DNAAF9: variants seen among roughly 807,000 people sequenced by gnomAD.
DNAAF9 encodes shulin.
DNAAF9 carries 90 observed loss-of-function variants against 167.0 expected under a neutral mutation model. The observed-to-expected ratio is 0.54, with a 90% CI of 0.45 to 0.64. The LOEUF (loss-of-function observed/expected upper bound fraction) is 0.64. Ranked by LOEUF, DNAAF9 falls within the 30% of genes least tolerant of loss-of-function variation. DNAAF9 has a pLI of 0.00. For missense variants in DNAAF9, 1,315 were observed against 1,442.2 expected, an observed-to-expected ratio of 0.91 and a Z score of 1.43; for synonymous variants, 491 against 508.8, an observed-to-expected ratio of 0.96 and a Z score of 0.47.
At chr20:3,345,907 C>G (rs1279770321) in intron 8 of DNAAF9, among the ~76,000 whole-genome samples, 2 of 152,036 alleles carry the variant, frequency 1.3e-5, no homozygotes, top group Non-Finnish European at 2.9e-5. Context: ...TGCACTCCAG[C>G]CTGGCGACAG....
intron 36 of DNAAF9, 131 bp from the exon 37 acceptor site, chr20:3,252,815 T>G (rs1568557300): frequency 1.5e-6 from 1 of 663,780 alleles, no homozygotes; most frequent in East Asian, 2.6e-5. Context: ...AGAGGGAACC[T>G]GATGGACTCT....
chr20:3,384,078 C>T (rs541897108), intron 1 of DNAAF9, among the ~76,000 whole-genome samples: 4 of 152,230 alleles, frequency 2.6e-5, no homozygotes, highest in South Asian at 2.1e-4. Flanking sequence ...TACAGGCATG[C>T]GCCACCACAC....
At chr20:3,287,855 C>CA (rs748452639) in intron 26 of DNAAF9, 65 bp from the exon 27 acceptor site, 991 of 1,419,752 alleles carry the variant, frequency 7.0e-4, no homozygotes, top group Non-Finnish European at 9.3e-4. Context: ...TAGGTTCAGC[C>CA]ATGGATTCAA....
chr20:3,373,966 T>C (rs1195117952), intron 6 of DNAAF9, 82 bp downstream of exon 6: 6 of 840,554 alleles, frequency 7.1e-6, no homozygotes, highest in Non-Finnish European at 1.2e-5. Flanking sequence ...TTTGGTGTTA[T>C]AATAATGCAC....
At chr20:3,375,856 A>G (rs926820488) in intron 4 of DNAAF9, among the ~76,000 whole-genome samples, 2 of 152,084 alleles carry the variant, frequency 1.3e-5, no homozygotes, top group Non-Finnish European at 2.9e-5. Context: ...CCAGAAAAAA[A>G]AAAAAATCCC....
chr20:3,327,668 G>T (rs1292178719), intron 12 of DNAAF9, among the ~76,000 whole-genome samples: 7 of 152,186 alleles, frequency 4.6e-5, no homozygotes, highest in Non-Finnish European at 1.0e-4. Flanking sequence ...TATAGAAGAA[G>T]CAATAAGGGC....
chr20:3,274,511 G>C (rs2068646021), intron 29 of DNAAF9, among the ~76,000 whole-genome samples: 1 of 152,180 alleles, frequency 6.6e-6, no homozygotes, highest in Non-Finnish European at 1.5e-5. Context: ...AAGGCATTTA[G>C]AGCCAGGTGA....
At position 3,382,428 on chromosome 20, in the gene DNAAF9, T is replaced by C; in HGVS notation, c.162A>G (p.Leu54=). 6.2e-7 allele frequency: 1 copy of C among 1,612,984 alleles called. No individual in the cohort carries two copies. The highest frequency in any genetic ancestry group is 1.7e-5 in the Admixed American group (1 of 60,006). ...KSRPDGILCI[L]GIDSRYNEGC... is the part of the protein sequence containing the mutation. ...TCCCACCTTGTTAAAAGCACTGACCTAGGATGCAGAGGATCCCATCCGGCC... is the reference window on the plus strand; with the variant it reads ...TCCCACCTTGTTAAAAGCACTGACCCAGGATGCAGAGGATCCCATCCGGCC... Residue 54 remains leucine, a splice_region_variant and synonymous_variant, in exon 2 of 37, where the codon CTA becomes CTG. Coordinates refer to ENST00000252032, the MANE Select transcript of DNAAF9 (RefSeq NM_001009984.3).
intron 10 of DNAAF9, among the ~76,000 whole-genome samples, chr20:3,338,449 C>T (rs943143402): frequency 1.3e-5 from 2 of 152,104 alleles, no homozygotes; most frequent in Non-Finnish European, 2.9e-5. Flanking sequence ...TAGGCCTACA[C>T]ATAGATATTT....
rs1334164117 is a variant in DNAAF9, at chr20:3,375,050, C to A, written c.485G>T (p.Gly162Val). The change falls in exon 5 of 37, where the codon GGC becomes GTC. Residue 162 changes from glycine (G) to valine (V), a missense_variant. Coordinates refer to ENST00000252032, the MANE Select transcript of DNAAF9 (RefSeq NM_001009984.3). ...VDMVRDCSRI[G>V]IPYSSQGHLQ... ...CTCACCTTGGGAGCTGTAAGGAATGCCAATTCTACTACAGTCTCGAACCAT... is the reference window on the plus strand; with the variant it reads ...CTCACCTTGGGAGCTGTAAGGAATGACAATTCTACTACAGTCTCGAACCAT... 1 of 1,604,664 alleles carries A rather than the reference C, an allele frequency of 6.2e-7. No individual in the cohort carries two copies. Among genetic ancestry groups the A allele is most frequent in the Non-Finnish European group, 8.5e-7 (1 of 1,171,568 alleles).
rs199719258 is a variant in DNAAF9 at position 3,298,183 on chromosome 20, G to A, written c.1783-8C>T. ...AACAGTACTGGTGGAATCCTAAAGC[G>A]AAAAGGAGGGAGCATCAGCAAGAAG... On this transcript the variant is annotated splice_region_variant and splice_polypyrimidine_tract_variant and intron_variant, in intron 21 of 36. Coordinates refer to ENST00000252032, the MANE Select transcript of DNAAF9 (RefSeq NM_001009984.3). 871 of 1,609,542 alleles carry A rather than the reference G, an allele frequency of 5.4e-4. No individual in the cohort carries two copies. Among genetic ancestry groups the A allele is most frequent in the Non-Finnish European group, 7.1e-4 (831 of 1,177,604 alleles).
chr20:3,397,194 T>G (rs2083920054), intron 1 of DNAAF9, among the ~76,000 whole-genome samples: 1 of 148,112 alleles, frequency 6.8e-6, no homozygotes, highest in Non-Finnish European at 1.5e-5. Flanking sequence ...TTGCTGTCAG[T>G]GGAGATCACA....
intron 2 of DNAAF9, 140 bp from the exon 3 acceptor site, chr20:3,381,638 T>C: frequency 1.5e-6 from 1 of 678,310 alleles, no homozygotes; most frequent in Non-Finnish European, 2.3e-6. Context: ...GAAACCAAGC[T>C]AACCAATTCT....
rs1206106874 is a variant in DNAAF9 at position 3,251,893 on chromosome 20, C to G, written c.*679G>C. 1 of 152,458 alleles carries G rather than the reference C, an allele frequency of 6.6e-6. No homozygotes were observed. The highest frequency in any genetic ancestry group is 1.5e-5 in the Non-Finnish European group (1 of 68,208). The allele number at this position is 152,458 out of a possible 1,614,324, so 9.4% of individuals were successfully genotyped here. ...CCACAAGGGGAAAAGCTGATGTCAA[C>G]TTAAGAGCCACACACCTCTGGAAAG... On this transcript the variant is annotated 3_prime_UTR_variant, in exon 37 of 37. Transcript: ENST00000252032.
chr20:3,291,299 T>C (rs972042366), intron 25 of DNAAF9, among the ~76,000 whole-genome samples: 16 of 151,364 alleles, frequency 1.1e-4, no homozygotes, highest in African/African-American at 3.6e-4. Context: ...CCGAGGGAGG[T>C]CTATGTAAAT....
intron 6 of DNAAF9, chr20:3,361,740 TA>T: frequency 3.7e-6 from 3 of 811,070 alleles, no homozygotes; most frequent in Non-Finnish European, 5.6e-6. Flanking sequence ...TACAGTATCT[TA>T]ACTTCCTTTG....
intron 12 of DNAAF9, among the ~76,000 whole-genome samples, chr20:3,328,188 T>TTTTTTGTTTGTTTTG (rs369376730): frequency 1.4e-5 from 2 of 138,776 alleles, no homozygotes; most frequent in African/African-American, 5.8e-5. Flanking sequence ...GCTCTGTTTT[T>TTTTTTGTTTGTTTTG]TTTTTTTTTT....
intron 10 of DNAAF9, among the ~76,000 whole-genome samples, chr20:3,336,252 G>GTTTTCTTTTTTTTT (rs2069940758): frequency 1.2e-5 from 1 of 81,444 alleles, no homozygotes; most frequent in Non-Finnish European, 2.5e-5. Flanking sequence ...ACAGTTTTGC[G>GTTTTCTTTTTTTTT]TTTTTGTTTT....
At chr20:3,372,225 GGAGTA>G (rs1244570752) in intron 6 of DNAAF9, among the ~76,000 whole-genome samples, 2 of 152,234 alleles carry the variant, frequency 1.3e-5, no homozygotes, top group Non-Finnish European at 2.9e-5. Context: ...CCATCAGAGT[GGAGTA>G]GAGAGGGCAC....
Sources: allele counts gnomAD v4.1 joint callset (sites outside exome capture counted in the v4.1 genomes callset), GRCh38; gene constraint gnomAD v4.1.1; transcripts MANE v1.5; gene names NCBI Gene and HGNC (gene_info 2026-07-23, HGNC 2026-07-21).